The following TMEM201 variants were observed in gnomAD, a reference collection of about 807,000 sequenced individuals.
The protein encoded by TMEM201 is transmembrane protein 201.
Under a neutral mutation model 63.4 loss-of-function variants are expected in TMEM201, and 26 were observed. The observed-to-expected ratio is 0.41, with a 90% CI of 0.30 to 0.57. The LOEUF is 0.57. Among genes scored for constraint, TMEM201 ranks in the 20% least tolerant of loss-of-function variants. The pLI, the probability that TMEM201 is intolerant of heterozygous loss-of-function variation, is 0.29. For missense variants in TMEM201, 794 were observed against 917.7 expected (o/e 0.87, Z 1.74); for synonymous variants, 417 against 421.6 (o/e 0.99, Z 0.14).
At chr1:9,599,342 G>A (rs1364625018) in intron 4 of TMEM201, among the ~76,000 whole-genome samples, 1 of 151,450 alleles carries the variant, frequency 6.6e-6, no homozygotes. Flanking sequence ...CTTCCTCCCG[G>A]GTTCAAGCAA....
chr1:9,611,213 T>A lies in TMEM201; in HGVS notation c.1765+408T>A, dbSNP rs77545342. 1.2e-5 allele frequency: 6 copies of A among 490,390 alleles called. No homozygotes were observed. The East Asian group carries it at 3.4e-4, about 28-fold the overall frequency. 30.4% of individuals were successfully genotyped at this position (490,390 alleles called of 1,614,324 possible). A position where few individuals can be genotyped will look rare whatever the true frequency, so the allele number is the denominator to read the frequency against. ...TTGTAGATTTCCTTTTTTTTTTTTT[T>A]TCGAGATGCAGTCTCACTCTGTCGC... On this transcript the variant is annotated intron_variant, in intron 9 of 10. Transcript: ENST00000340381.
rs1644205432 is a variant in TMEM201 at position 9,604,401 on chromosome 1, C to T, written c.1160+2129C>T. The stretch of plus-strand genomic sequence containing the variant: ...CTGCCTTTCGTAGAGTTTTGTGTGA[C>T]TTTTTAAATTATTCATGTGTCCCTT... On this transcript the variant is annotated intron_variant, in intron 6 of 10. Transcript: ENST00000340381. The surrounding 1 kb of genome is among the most constrained non-coding windows in gnomAD (Gnocchi z 4.1). The T allele has an allele frequency of 1.0e-6, 1 of 985,344 alleles. No individual in the cohort carries two copies. Among genetic ancestry groups the T allele is most frequent in the African/African-American group, 1.7e-5 (1 of 57,324 alleles). The allele number at this position is 985,344 out of a possible 1,614,324, so 61.0% of individuals were successfully genotyped here.
chr1:9,611,127 TA>T (rs1644318416), intron 9 of TMEM201: 6 of 1,273,990 alleles, frequency 4.7e-6, no homozygotes, highest in Middle Eastern at 1.9e-4. Flanking sequence ...GCAAAGCATT[TA>T]AAATGTTTAT....
At position 9,610,633 on chromosome 1, in the gene TMEM201, C is replaced by G. The variant is rs1274228219; in HGVS notation, c.1593C>G (p.Ala531=). 7.1e-6 allele frequency: 11 copies of G among 1,550,606 alleles called. No homozygotes were observed. The African/African-American group carries it at 1.4e-4, about 19-fold the overall frequency. The part of the protein sequence containing the change: ...LRHRRPLISP[A]RLNLKGQKLL... ...ACCGCAGGCCCCTCATCAGCCCTGC[C>G]CGGCTCAACCTGAAGGGACAGAAGC... The change falls in exon 9 of 11, where the codon GCC becomes GCG. Residue 531 remains alanine (A), a synonymous_variant. Coordinates refer to ENST00000340381, the MANE Select transcript of TMEM201 (RefSeq NM_001130924.3). The surrounding 1 kb of genome is among the most constrained non-coding windows in gnomAD (Gnocchi z 4.9).
chr1:9,601,578 G>A, intron 5 of TMEM201, 124 bp downstream of exon 5: 1 of 969,712 alleles, frequency 1.0e-6, no homozygotes, highest in Non-Finnish European at 1.5e-6. Context: ...CCATGTCACT[G>A]GTACAAGGCT....
rs1201928966 is a variant in TMEM201, at chr1:9,588,972, C to T, written c.42C>T (p.Ala14=). The T allele has an allele frequency of 1.6e-6, 2 of 1,246,882 alleles. No homozygotes were observed. Among genetic ancestry groups the T allele is most frequent in the Non-Finnish European group, 1.0e-6 (1 of 979,272 alleles). The allele number at this position is 1,246,882 out of a possible 1,614,324, so 77.2% of individuals were successfully genotyped here. The change falls in exon 1 of 11, where the codon GCC becomes GCT. Residue 14 remains alanine, a synonymous_variant. Transcript: ENST00000340381. The part of the protein sequence containing the change: ...VSALLARCPT[A]GLAGGLGVTA... ...CGCTGCTGGCCCGCTGCCCCACGGCCGGCCTGGCCGGCGGCCTGGGGGTCA... is the reference window on the plus strand; with the variant it reads ...CGCTGCTGGCCCGCTGCCCCACGGCTGGCCTGGCCGGCGGCCTGGGGGTCA...
intron 6 of TMEM201, among the ~76,000 whole-genome samples, chr1:9,606,828 C>T (rs1233237779): frequency 1.3e-5 from 2 of 152,224 alleles, no homozygotes; most frequent in Non-Finnish European, 2.9e-5. Flanking sequence ...TTCCGTCTTT[C>T]GGGCAGCCTT....
Position 9,611,861 on chromosome 1 carries a change from G to T in TMEM201, c.1874G>T (p.Gly625Val). The T allele has an allele frequency of 6.5e-7, 1 of 1,550,384 alleles. No individual in the cohort carries two copies. The highest frequency in any genetic ancestry group is 8.7e-7 in the Non-Finnish European group (1 of 1,146,840). Residue 625 changes from glycine (G) to valine (V), a missense_variant, in exon 10 of 11, where the codon GGC becomes GTC. By Grantham distance (109) the Gly-to-Val change is moderately radical (BLOSUM62 -3). Transcript: ENST00000340381. ...TGTGTGGTGGACACCACCACCAGGG[G>T]CTGCTCGGAGGAGGCCGCCACCTGG... ...STCVVDTTTRGCSEEAATWRG... is the reference protein window; with the variant it reads ...STCVVDTTTRVCSEEAATWRG...
In TMEM201 at chr1:9,613,062, T is replaced by G. The variant is rs1054491970; in HGVS notation, c.1980T>G (p.Phe660Leu). The change falls in exon 11 of 11, where the codon TTT becomes TTG. Residue 660 changes from phenylalanine to leucine, a missense_variant. Coordinates refer to ENST00000340381, the MANE Select transcript of TMEM201 (RefSeq NM_001130924.3). ...LAANALFTSV[F>L]LYQSLR Reference sequence around the variant, plus strand: ...CCAACGCCCTGTTCACCTCGGTGTTTCTGTACCAGAGCCTGCGCTGACCCA... The same window carrying G: ...CCAACGCCCTGTTCACCTCGGTGTTGCTGTACCAGAGCCTGCGCTGACCCA... The G allele has an allele frequency of 1.8e-5, 28 of 1,551,054 alleles. No homozygotes were observed. The highest frequency in any genetic ancestry group is 2.4e-5 in the Non-Finnish European group (27 of 1,146,986).
chr1:9,595,765 A>G (rs1644006219), intron 1 of TMEM201, 125 bp from the exon 2 acceptor site: 7 of 1,408,128 alleles, frequency 5.0e-6, no homozygotes, highest in Non-Finnish European at 6.8e-6. Context: ...CCAGCTTTGC[A>G]TCCCCAGATC....
Position 9,607,252 on chromosome 1 carries a change from T to C in TMEM201, c.1161-305T>C, listed in dbSNP as rs1248227254. Among the ~76,000 whole-genome samples, 1 of 151,920 alleles carries C rather than the reference T, an allele frequency of 6.6e-6. No homozygotes were observed. Among genetic ancestry groups the C allele is most frequent in the Non-Finnish European group, 1.5e-5 (1 of 67,962 alleles). ...TCAAGGCGAAAGGGTTGGCATGAGG[T>C]TGGCAAAGGCGACAGTGTCACTTTA... is the stretch of plus-strand genomic sequence containing the variant. On this transcript the variant is annotated intron_variant, in intron 6 of 10. Coordinates refer to ENST00000340381, the MANE Select transcript of TMEM201 (RefSeq NM_001130924.3). This position sits in a 1 kb window ranked among gnomAD's most constrained non-coding sequence, Gnocchi z 5.4.
Position 9,610,901 on chromosome 1 carries a change from C to T in TMEM201, c.1765+96C>T, listed in dbSNP as rs1242152823. 8.1e-6 allele frequency: 12 copies of T among 1,490,380 alleles called. No individual in the cohort carries two copies. Among genetic ancestry groups the T allele is most frequent in the African/African-American group, 6.9e-5 (5 of 72,124 alleles). The allele number at this position is 1,490,380 out of a possible 1,614,324, so 92.3% of individuals were successfully genotyped here. On this transcript the variant is annotated intron_variant, in intron 9 of 10. Coordinates refer to ENST00000340381, the MANE Select transcript of TMEM201 (RefSeq NM_001130924.3). The surrounding 1 kb of genome is among the most constrained non-coding windows in gnomAD (Gnocchi z 4.9). ...GTGGGGGGGCTCATCCTTGCTCTGA[C>T]TCCGGTGTGCGCCTTCCCACCCTGG...
At chr1:9,602,465 C>T in intron 6 of TMEM201, 193 bp downstream of exon 6, 1 of 1,436,204 alleles carries the variant, frequency 7.0e-7, no homozygotes, top group Non-Finnish European at 9.1e-7. Context: ...CTGCCTTTTC[C>T]TTTCGGGCAC....
rs1046553832 is a variant in TMEM201, at chr1:9,603,662, G to A, written c.1160+1390G>A. 2.0e-6 allele frequency: 2 copies of A among 985,364 alleles called. No homozygotes were observed. Among genetic ancestry groups the A allele is most frequent in the Non-Finnish European group, 2.4e-6 (2 of 830,008 alleles). 61.0% of individuals were successfully genotyped at this position (985,364 alleles called of 1,614,324 possible). On this transcript the variant is annotated intron_variant, in intron 6 of 10. Coordinates refer to ENST00000340381, the MANE Select transcript of TMEM201 (RefSeq NM_001130924.3). The surrounding 1 kb of genome is among the most constrained non-coding windows in gnomAD (Gnocchi z 4.5). Reference sequence around the variant, plus strand: ...CACCTGGGTCTGCCGGGATGGGTTGGGGGGGCAGGTGCCAGGCCTCACTGC... The same window carrying A: ...CACCTGGGTCTGCCGGGATGGGTTGAGGGGGCAGGTGCCAGGCCTCACTGC...
intron 10 of TMEM201, 90 bp from the exon 11 acceptor site, chr1:9,612,896 C>A: frequency 8.8e-7 from 1 of 1,134,382 alleles, no homozygotes; most frequent in Non-Finnish European, 1.3e-6. Flanking sequence ...GCCTTGAGCT[C>A]CCCACAAACT....
At chr1:9,601,496 T>G (rs749563063) in intron 5 of TMEM201, 42 bp downstream of exon 5, 2 of 1,537,872 alleles carry the variant, frequency 1.3e-6, no homozygotes, top group Non-Finnish European at 1.7e-6. Context: ...GGCAGGGGAC[T>G]GTGTGCTGGA....
chr1:9,589,552 C>T (rs913082520), intron 1 of TMEM201, among the ~76,000 whole-genome samples: 5 of 152,266 alleles, frequency 3.3e-5, no homozygotes, highest in African/African-American at 1.2e-4. Context: ...TGGTTTGAGC[C>T]GATGGAATCT....
chr1:9,596,149 C>A, intron 2 of TMEM201, 139 bp downstream of exon 2: 1 of 1,139,112 alleles, frequency 8.8e-7, no homozygotes, highest in Middle Eastern at 2.9e-4. Flanking sequence ...TCTCCAGGCC[C>A]TGAGCATGGT....
At chr1:9,598,848 C>T (rs1044007817) in intron 4 of TMEM201, among the ~76,000 whole-genome samples, 3 of 152,020 alleles carry the variant, frequency 2.0e-5, no homozygotes, top group South Asian at 2.1e-4. Context: ...GGGGTTTCTC[C>T]GTGTTGTTCA....
Sources: gnomAD v4.1 joint callset for allele counts (sites outside exome capture counted in the v4.1 genomes callset) on GRCh38, gnomAD v4.1.1 for gene constraint, Gnocchi (gnomAD v3.1) non-coding constraint, MANE v1.5 for transcripts, NCBI Gene and HGNC (gene_info 2026-07-23, HGNC 2026-07-21) for gene names.